The following TPRG1 variants were observed in gnomAD, a reference collection of about 807,000 sequenced individuals.
The protein encoded by TPRG1 is tumor protein p63-regulated gene 1 protein.
TPRG1 carries 29 observed loss-of-function variants against 29.3 expected under a neutral mutation model. The observed-to-expected ratio is 0.99, with a 90% CI of 0.74 to 1.35. The LOEUF is 1.35. TPRG1 is among the 40% of genes most tolerant of loss of function. The probability of loss-of-function intolerance (pLI) is 0.00; values close to 1 mark genes in which losing one functional copy is unlikely to be tolerated. For synonymous variants in TPRG1, 130 were observed against 116.8 expected, an observed-to-expected ratio of 1.11 and a Z score of -0.73; for missense variants, 327 against 335.0, an observed-to-expected ratio of 0.98 and a Z score of 0.19.
intron 4 of TPRG1, among the ~76,000 whole-genome samples, chr3:189,027,549 A>G (rs1234265175): frequency 6.6e-6 from 1 of 152,242 alleles, no homozygotes; most frequent in African/African-American, 2.4e-5. Flanking sequence ...CACAGGGGCA[A>G]TATTATTGTG....
chr3:189,024,142 C>A (rs1247186147), intron 4 of TPRG1, among the ~76,000 whole-genome samples: 2 of 152,248 alleles, frequency 1.3e-5, no homozygotes, highest in African/African-American at 2.4e-5. Flanking sequence ...GCCCTCCAGG[C>A]ACTCCATCCC....
At position 189,324,873 on chromosome 3, in the gene TPRG1, G is replaced by T. The variant is rs1724595523; in HGVS notation, c.*4053G>T. 1 of 152,130 alleles carries T rather than the reference G, an allele frequency of 6.6e-6. No individual in the cohort carries two copies. Among genetic ancestry groups the T allele is most frequent in the African/African-American group, 2.4e-5 (1 of 41,430 alleles). 9.4% of individuals were successfully genotyped at this position (152,130 alleles called of 1,614,324 possible). ...GGCTCTTGGCCAACAATTATACAAG[G>T]GCTTGTGCCCACATCCTGTAGCTGT... On this transcript the variant is annotated 3_prime_UTR_variant, in exon 6 of 6. Coordinates refer to ENST00000345063, the MANE Select transcript of TPRG1 (RefSeq NM_198485.4).
At chr3:189,076,712 A>G (rs925349711) in intron 4 of TPRG1, among the ~76,000 whole-genome samples, 3 of 152,032 alleles carry the variant, frequency 2.0e-5, no homozygotes, top group African/African-American at 7.3e-5. Flanking sequence ...AAGATAATGT[A>G]ACTAAAAAAA....
intron 2 of TPRG1, among the ~76,000 whole-genome samples, chr3:189,127,704 T>C (rs1453259490): frequency 1.3e-5 from 2 of 152,146 alleles, no homozygotes; most frequent in African/African-American, 4.8e-5. Context: ...ATACTTGATT[T>C]GGAGAATAAA....
chr3:189,173,522 T>A (rs919678232), intron 1 of TPRG1, among the ~76,000 whole-genome samples: 4 of 151,888 alleles, frequency 2.6e-5, no homozygotes, highest in Non-Finnish European at 5.9e-5. Flanking sequence ...GTATTTTTAG[T>A]AGAGACGGGG....
intron 1 of TPRG1, among the ~76,000 whole-genome samples, chr3:189,198,999 A>C (rs942775098): frequency 6.6e-6 from 1 of 152,228 alleles, no homozygotes; most frequent in Non-Finnish European, 1.5e-5. Flanking sequence ...GAAACTCAAC[A>C]GAACTTTAAA....
At chr3:189,078,024 C>G (rs916566645) in intron 4 of TPRG1, among the ~76,000 whole-genome samples, 2 of 148,416 alleles carry the variant, frequency 1.3e-5, no homozygotes, top group African/African-American at 5.0e-5. Flanking sequence ...TCCTTCCTTC[C>G]TTCCTTCCTT....
chr3:189,014,153 G>A (rs1393811456), intron 3 of TPRG1, among the ~76,000 whole-genome samples: 2 of 152,070 alleles, frequency 1.3e-5, no homozygotes, highest in Non-Finnish European at 2.9e-5. Context: ...AGTTTTTCTT[G>A]TCCATATTTA....
intron 4 of TPRG1, chr3:189,150,609 A>T (rs1725820890): frequency 6.6e-6 from 1 of 152,230 alleles, no homozygotes; most frequent in South Asian, 2.1e-4. Flanking sequence ...TGGGACCAGG[A>T]TCACAATACA....
chr3:189,030,489 T>C (rs955539365), intron 4 of TPRG1, among the ~76,000 whole-genome samples: 1 of 152,186 alleles, frequency 6.6e-6, no homozygotes, highest in African/African-American at 2.4e-5. Flanking sequence ...CACTTTCCAA[T>C]TCCTCCAACC....
At chr3:189,046,318 C>T (rs1422727590) in intron 4 of TPRG1, among the ~76,000 whole-genome samples, 1 of 152,216 alleles carries the variant, frequency 6.6e-6, no homozygotes, top group Non-Finnish European at 1.5e-5. Flanking sequence ...CTGAGGTAAG[C>T]ACAGTCGGTG....
chr3:189,286,529 A>G lies in TPRG1; in HGVS notation c.480-23857A>G, dbSNP rs550593670. 1.6e-4 allele frequency among the ~76,000 whole-genome samples: 25 copies of G among 152,232 alleles called. No homozygotes were observed. In the South Asian group the frequency reaches 5.2e-3, roughly 32 times the overall value. On this transcript the variant is annotated intron_variant, in intron 4 of 5. Coordinates refer to ENST00000345063, the MANE Select transcript of TPRG1 (RefSeq NM_198485.4). Reference sequence around the variant, plus strand: ...ATATTACCTCCTACTTCCAGGACATAGGGGCAGATATCTCTCTCAAGCAGG... The same window carrying G: ...ATATTACCTCCTACTTCCAGGACATGGGGGCAGATATCTCTCTCAAGCAGG...
At chr3:189,297,390 C>G (rs970678131) in intron 4 of TPRG1, among the ~76,000 whole-genome samples, 12 of 152,112 alleles carry the variant, frequency 7.9e-5, no homozygotes, top group African/African-American at 2.9e-4. Context: ...TTTAGATGAC[C>G]CTTCTTTTGA....
intron 3 of TPRG1, among the ~76,000 whole-genome samples, chr3:189,017,020 T>C (rs73199102): frequency 0.053 from 7,997 of 152,190 alleles, 332 homozygotes; most frequent in Non-Finnish European, 0.079. Flanking sequence ...GATGATATCC[T>C]GAAATATGTT....
intron 4 of TPRG1, among the ~76,000 whole-genome samples, chr3:189,254,075 T>C (rs1425982996): frequency 3.3e-5 from 5 of 152,242 alleles, no homozygotes; most frequent in Non-Finnish European, 2.9e-5. Flanking sequence ...TTTTGGTGTT[T>C]TAGTCATGAA....
At chr3:189,283,130 T>C (rs1717442100) in intron 4 of TPRG1, among the ~76,000 whole-genome samples, 1 of 152,232 alleles carries the variant, frequency 6.6e-6, no homozygotes. Context: ...ACGTAGCCCA[T>C]AATTTAAATT....
intron 4 of TPRG1, among the ~76,000 whole-genome samples, chr3:189,290,410 G>A (rs1718799666): frequency 6.6e-6 from 1 of 152,218 alleles, no homozygotes; most frequent in Admixed American, 6.5e-5. Flanking sequence ...TTTCAGCGAT[G>A]AATCGATAGA....
At chr3:189,106,543 AT>A (rs1719845214) in intron 1 of TPRG1, among the ~76,000 whole-genome samples, 1 of 151,996 alleles carries the variant, frequency 6.6e-6, no homozygotes, top group Non-Finnish European at 1.5e-5. Context: ...TAGACTATTA[AT>A]TTTGGGAAGC....
At chr3:189,034,012 C>T (rs1184207215) in intron 4 of TPRG1, among the ~76,000 whole-genome samples, 1 of 152,192 alleles carries the variant, frequency 6.6e-6, no homozygotes, top group East Asian at 1.9e-4. Flanking sequence ...AAGAAATAGA[C>T]ATTAACTTTT....
Sources: gnomAD v4.1 joint callset for allele counts (sites outside exome capture counted in the v4.1 genomes callset) on GRCh38, gnomAD v4.1.1 for gene constraint, MANE v1.5 for transcripts, NCBI Gene and HGNC (gene_info 2026-07-23, HGNC 2026-07-21) for gene names.